Variants in CATSPERT observed in about 807,000 individuals in gnomAD.
CATSPERT encodes cation channel sperm-associated targeting subunit tau.
chr2:201,615,801 G>A, the CATSPERT span, among the ~76,000 whole-genome samples: 2 of 152,140 alleles, frequency 1.3e-5, no homozygotes, highest in African/African-American at 4.8e-5. Context: ...AAAATTGATA[G>A]ATCACTAGCA....
At chr2:201,597,094 T>C in the CATSPERT span, among the ~76,000 whole-genome samples, 3 of 152,334 alleles carry the variant, frequency 2.0e-5, no homozygotes, top group African/African-American at 7.2e-5. Flanking sequence ...TGGAAGGCAA[T>C]TCCTGGCAGA....
chr2:201,488,020 A>G, the CATSPERT span: 2 of 784,284 alleles, frequency 2.6e-6, no homozygotes, highest in Middle Eastern at 3.9e-4. Context: ...AACAAGGACT[A>G]AAGTTTATAA....
chr2:201,559,528 G>GGAATACTCCCAGGTCAGACAAGCCACT, the CATSPERT span, among the ~76,000 whole-genome samples: 15 of 152,174 alleles, frequency 9.9e-5, no homozygotes, highest in Admixed American at 9.8e-4. Flanking sequence ...GCTCTGGGCA[G>GGAATACTCCCAGGTCAGACAAGCCACT]GAATACTCCC....
At chr2:201,488,749 G>T in the CATSPERT span, among the ~76,000 whole-genome samples, 1 of 152,216 alleles carries the variant, frequency 6.6e-6, no homozygotes, top group East Asian at 1.9e-4. Context: ...GGAACATTGG[G>T]CAGGACTAAT....
At chr2:201,556,284 C>T in the CATSPERT span, among the ~76,000 whole-genome samples, 4 of 152,064 alleles carry the variant, frequency 2.6e-5, no homozygotes, top group East Asian at 1.9e-4. Flanking sequence ...CCGAAGAGGG[C>T]GGATCACGAG....
At chr2:201,491,680 A>G in the CATSPERT span, 2 of 1,537,060 alleles carry the variant, frequency 1.3e-6, no homozygotes, top group Non-Finnish European at 1.7e-6. Context: ...GGCATTAGGA[A>G]TTCTTGGATA....
the CATSPERT span, chr2:201,534,339 C>A: frequency 6.6e-6 from 6 of 913,340 alleles, no homozygotes; most frequent in Non-Finnish European, 6.5e-6. Context: ...AATAAAACAT[C>A]TTTTTTAATC....
At chr2:201,563,267 G>A in the CATSPERT span, among the ~76,000 whole-genome samples, 2 of 144,904 alleles carry the variant, frequency 1.4e-5, no homozygotes, top group African/African-American at 2.6e-5. Flanking sequence ...AGGGGCGGCC[G>A]GGCAGAGGCG....
At chr2:201,503,791 A>T in the CATSPERT span, among the ~76,000 whole-genome samples, 49,058 of 151,834 alleles carry the variant, frequency 0.32, 8,132 homozygotes, top group Admixed American at 0.39. Flanking sequence ...ATCGTTTTGA[A>T]TTTGCTCTTA....
At chr2:201,616,410 A>C in the CATSPERT span, among the ~76,000 whole-genome samples, 1 of 152,240 alleles carries the variant, frequency 6.6e-6, no homozygotes, top group Admixed American at 6.5e-5. Flanking sequence ...AACATATGCA[A>C]ATCAATAAAC....
At chr2:201,570,081 C>T in the CATSPERT span, among the ~76,000 whole-genome samples, 1 of 152,160 alleles carries the variant, frequency 6.6e-6, no homozygotes, top group East Asian at 1.9e-4. Context: ...ACTTGGGAGG[C>T]TGAGGAGGGA....
the CATSPERT span, among the ~76,000 whole-genome samples, chr2:201,613,120 G>C: frequency 1.3e-5 from 2 of 152,156 alleles, no homozygotes; most frequent in Admixed American, 6.5e-5. Flanking sequence ...CTCCACCTCT[G>C]GGGGGCAGGG....
the CATSPERT span, chr2:201,535,869 G>T: frequency 6.6e-7 from 1 of 1,505,738 alleles, no homozygotes; most frequent in Non-Finnish European, 8.8e-7. Flanking sequence ...TCTTGGCTTT[G>T]AAAGCTACCT....
the CATSPERT span, among the ~76,000 whole-genome samples, chr2:201,489,115 A>G: frequency 1.3e-5 from 2 of 152,186 alleles, no homozygotes; most frequent in Non-Finnish European, 2.9e-5. Context: ...TCAGATGAGT[A>G]AGTTGTTATC....
At chr2:201,603,970 C>A in the CATSPERT span, among the ~76,000 whole-genome samples, 7 of 152,238 alleles carry the variant, frequency 4.6e-5, no homozygotes, top group African/African-American at 1.4e-4. Context: ...TACCCAGTTA[C>A]CACTCTAATA....
the CATSPERT span, chr2:201,494,538 C>T: frequency 2.6e-6 from 4 of 1,536,828 alleles, no homozygotes; most frequent in Middle Eastern, 3.3e-4. Flanking sequence ...TTTCTAACAT[C>T]TTTGTTGTGA....
chr2:201,564,422 G>C, the CATSPERT span, among the ~76,000 whole-genome samples: 1 of 129,154 alleles, frequency 7.7e-6, no homozygotes, highest in Non-Finnish European at 1.7e-5. Context: ...AGAACTGACT[G>C]AAAACTAAGA....
chr2:201,589,955 C>T, the CATSPERT span, among the ~76,000 whole-genome samples: 10 of 151,718 alleles, frequency 6.6e-5, no homozygotes, highest in Non-Finnish European at 1.2e-4. Context: ...AGGACATAAA[C>T]GGATACTTTT....
the CATSPERT span, among the ~76,000 whole-genome samples, chr2:201,517,670 T>C: frequency 6.6e-6 from 1 of 152,160 alleles, no homozygotes; most frequent in African/African-American, 2.4e-5. Flanking sequence ...CCCAAAGGGG[T>C]AACTGCCACT....
Sources: gnomAD v4.1 joint callset for allele counts (sites outside exome capture counted in the v4.1 genomes callset) on GRCh38, gnomAD v4.1.1 for gene constraint, MANE v1.5 for transcripts, NCBI Gene and HGNC (gene_info 2026-07-23, HGNC 2026-07-21) for gene names.